The following UPP2 variants were observed in gnomAD, a reference collection of about 807,000 sequenced individuals.
UPP2 encodes the protein UPase 2.
In UPP2, 23 loss-of-function variants were observed where a neutral mutation model predicts 26.7. The observed-to-expected ratio is 0.86, with a 90% CI of 0.62 to 1.22. The LOEUF (loss-of-function observed/expected upper bound fraction) is 1.22, where lower values mean the gene tolerates loss of function less well. UPP2 is among the 50% of genes most tolerant of loss of function. The pLI, the probability that UPP2 is intolerant of heterozygous loss-of-function variation, is 0.00. For synonymous variants in UPP2, 127 were observed against 141.3 expected, an observed-to-expected ratio of 0.90 and a Z score of 0.72; for missense variants, 387 against 396.7, an observed-to-expected ratio of 0.98 and a Z score of 0.21.
chr2:158,047,903 T>A (rs1682057292), intron 3 of UPP2, among the ~76,000 whole-genome samples: 1 of 152,148 alleles, frequency 6.6e-6, no homozygotes, highest in Non-Finnish European at 1.5e-5. Flanking sequence ...TACCTCAGAT[T>A]TATTAGGATA....
intron 3 of UPP2, among the ~76,000 whole-genome samples, chr2:158,043,800 G>A (rs1011970515): frequency 6.6e-6 from 1 of 152,102 alleles, no homozygotes; most frequent in African/African-American, 2.4e-5. Flanking sequence ...CTCTGGGGGC[G>A]GTTTGCCAGC....
chr2:158,134,095 T>C (rs540983367), intron 6 of UPP2: 2 of 152,380 alleles, frequency 1.3e-5, no homozygotes, highest in South Asian at 2.1e-4. Context: ...CAGTTTCCTA[T>C]AAGATTTCAT....
At position 158,066,220 on chromosome 2, in the gene UPP2, C is replaced by G. The variant is rs140769058; in HGVS notation, c.148-35820C>G. Among the ~76,000 whole-genome samples the G allele has an allele frequency of 3.2e-4, 49 of 152,326 alleles. No homozygotes were observed. The East Asian group carries it at 6.4e-3, about 20-fold the overall frequency. On this transcript the variant is annotated intron_variant, in intron 3 of 9. Transcript: ENST00000605860. ...CAGTTTTACCAGGCCACAAGCTAGA[C>G]AGATTTGGCAACCTCTGTGTTTGGG...
At chr2:158,116,768 C>T (rs1235722365) in intron 3 of UPP2, among the ~76,000 whole-genome samples, 1 of 152,224 alleles carries the variant, frequency 6.6e-6, no homozygotes, top group Non-Finnish European at 1.5e-5. Context: ...AGCATTTATT[C>T]ATTAGTCACA....
rs554437881 is a variant in UPP2, at chr2:158,071,480, G to A, written c.148-30560G>A. On this transcript the variant is annotated intron_variant, in intron 3 of 9. Coordinates refer to the UPP2 transcript ENST00000605860. ...GCAGGAGAATTGCTTGAACCCGGGA[G>A]GTGGAGGTTGCAGTGAACCTAGATC... Among the ~76,000 whole-genome samples, 10 of 150,352 alleles carry A rather than the reference G, an allele frequency of 6.7e-5. No individual in the cohort carries two copies. The South Asian group carries it at 2.1e-3, about 32-fold the overall frequency.
chr2:158,047,164 A>G (rs1684167394), intron 3 of UPP2, among the ~76,000 whole-genome samples: 1 of 152,142 alleles, frequency 6.6e-6, no homozygotes, highest in Admixed American at 6.5e-5. Context: ...TTCCACCCAA[A>G]AGCAAATTCA....
At chr2:158,001,134 T>TG (rs1683398529) in intron 2 of UPP2, among the ~76,000 whole-genome samples, 2 of 152,192 alleles carry the variant, frequency 1.3e-5, no homozygotes, top group South Asian at 4.1e-4. Flanking sequence ...CATTTGCCAT[T>TG]GCCATTTCTC....
chr2:158,115,182 G>A lies in UPP2; in HGVS notation c.262G>A (p.Glu88Lys), dbSNP rs1269892433. 6.2e-7 allele frequency: 1 copy of A among 1,613,506 alleles called. No individual in the cohort carries two copies. The highest frequency in any genetic ancestry group is 8.5e-7 in the Non-Finnish European group (1 of 1,179,850). ...MHKELGFEEA[E>K]EDIKDICAGT... is the part of the protein sequence containing the mutation. ...CAAGGAGCTCGGGTTTGAGGAAGCT[G>A]AAGAAGACATAAAAGACATCTGTGC... Residue 88 changes from glutamate (E) to lysine (K), a missense_variant, in exon 3 of 7, where the codon GAA (glutamate) becomes AAA (lysine). Glu to Lys is a moderately conservative substitution (Grantham distance 56, BLOSUM62 1). Coordinates refer to ENST00000005756, the MANE Select transcript of UPP2 (RefSeq NM_173355.4).
intron 3 of UPP2, among the ~76,000 whole-genome samples, chr2:158,058,301 AAAAAAAAAAAAAAAAAAAAAAAAG>A (rs199914052): frequency 0.71 from 101,474 of 142,416 alleles, 37,300 homozygotes; most frequent in African/African-American, 0.8. Flanking sequence ...TCAAAAAAAA[AAAAAAAAAAAAAAAAAAAAAAAAG>A]AAGAAGAAGA....
chr2:158,128,053 G>C, intron 6 of UPP2: 1 of 980,594 alleles, frequency 1.0e-6, no homozygotes, highest in Non-Finnish European at 1.2e-6. Flanking sequence ...TGTTTAACTT[G>C]TATTCGTGTT....
intron 3 of UPP2, among the ~76,000 whole-genome samples, chr2:158,044,396 G>A (rs1256876667): frequency 1.3e-5 from 2 of 152,088 alleles, no homozygotes; most frequent in South Asian, 2.1e-4. Context: ...AGAGCAATGT[G>A]TAAGTCTCGG....
intron 3 of UPP2, chr2:158,015,977 G>C (rs1229074187): frequency 3.2e-6 from 1 of 316,868 alleles, no homozygotes; most frequent in Non-Finnish European, 6.3e-6. Context: ...CATATACCCA[G>C]AAGTGAAATT....
At chr2:158,007,716 G>A (rs1203880036) in intron 2 of UPP2, among the ~76,000 whole-genome samples, 3 of 151,366 alleles carry the variant, frequency 2.0e-5, no homozygotes, top group Admixed American at 6.6e-5. Flanking sequence ...CACTTCCCAG[G>A]TTCAAGCAAT....
intron 3 of UPP2, among the ~76,000 whole-genome samples, chr2:158,074,936 C>T (rs1031435717): frequency 2.0e-5 from 3 of 150,116 alleles, no homozygotes; most frequent in South Asian, 2.1e-4. Flanking sequence ...AAAAGACATT[C>T]GATGCAAATG....
chr2:158,068,048 T>C (rs1277926567), intron 3 of UPP2, among the ~76,000 whole-genome samples: 2 of 152,146 alleles, frequency 1.3e-5, no homozygotes, highest in African/African-American at 4.8e-5. Context: ...TTGAATAATC[T>C]TTTTTCCCCC....
intron 2 of UPP2, among the ~76,000 whole-genome samples, chr2:158,006,385 C>T (rs1574241654): frequency 6.9e-6 from 1 of 145,106 alleles, no homozygotes; most frequent in Non-Finnish European, 1.5e-5. Flanking sequence ...AGGAGAATGG[C>T]GTGAACAAGG....
chr2:158,122,955 A>T (rs575529262), intron 5 of UPP2, among the ~76,000 whole-genome samples: 81 of 152,192 alleles, frequency 5.3e-4, no homozygotes, highest in South Asian at 1.0e-3. Context: ...AAAGAGATAG[A>T]GGAAAGGGAG....
In UPP2 at chr2:158,120,753, A is replaced by G. The variant is rs188868262; in HGVS notation, c.455-656A>G. On this transcript the variant is annotated intron_variant, in intron 4 of 6. Coordinates refer to ENST00000005756, the MANE Select transcript of UPP2 (RefSeq NM_173355.4). ...TTGTTTGCTTCCCTTCTGTGGATTC[A>G]GACCTTTTTCAGGAAGTAAATTAAG... is the stretch of plus-strand genomic sequence containing the variant. Among the ~76,000 whole-genome samples the G allele has an allele frequency of 3.4e-4, 52 of 152,104 alleles. 1 individual carries two copies. The East Asian group carries it at 0.01, about 29-fold the overall frequency.
rs987297265 is a variant in UPP2, at chr2:158,134,971, C to A, written c.*81C>A. The A allele has an allele frequency of 1.2e-5, 17 of 1,474,898 alleles. No individual in the cohort carries two copies. The highest frequency in any genetic ancestry group is 1.4e-5 in the South Asian group (1 of 69,216). 91.4% of individuals were successfully genotyped at this position (1,474,898 alleles called of 1,614,324 possible). ...TGTGAAAGTCATATTTTATTTGTGG[C>A]ATTTTTATATAGTTCTCATCCACAT... is the stretch of plus-strand genomic sequence containing the variant. On this transcript the variant is annotated 3_prime_UTR_variant, in exon 7 of 7. Coordinates refer to ENST00000005756, the MANE Select transcript of UPP2 (RefSeq NM_173355.4).
Sources: allele counts gnomAD v4.1 joint callset (sites outside exome capture counted in the v4.1 genomes callset), GRCh38; gene constraint gnomAD v4.1.1; transcripts MANE v1.5; gene names NCBI Gene and HGNC (gene_info 2026-07-23, HGNC 2026-07-21).